NAA11: variants seen among roughly 807,000 people sequenced by gnomAD.
NAA11 encodes the protein N-alpha-acetyltransferase 11.
A neutral mutation model predicts 16.1 loss-of-function variants in NAA11; 15 were observed. The ratio of observed to expected loss-of-function variants is 0.93; its 90% CI spans 0.62 to 1.44. The LOEUF (loss-of-function observed/expected upper bound fraction) is 1.44, where lower values mean the gene tolerates loss of function less well. Ranked by LOEUF, NAA11 falls within the 40% of genes most tolerant of loss-of-function variation. The pLI is 0.00. For synonymous variants in NAA11, 122 were observed against 112.4 expected (o/e 1.09, Z -0.54); for missense variants, 298 against 291.3 (o/e 1.02, Z -0.17).
At chr4:79,248,668 G>T (rs1721903953) in intron 2 of NAA11, among the ~76,000 whole-genome samples, 1 of 152,082 alleles carries the variant, frequency 6.6e-6, no homozygotes, top group African/African-American at 2.4e-5. Flanking sequence ...TGCCACCATT[G>T]CCACCAGCAT....
downstream of NAA11, among the ~76,000 whole-genome samples, chr4:79,312,696 C>T (rs1400497930): frequency 2.0e-5 from 3 of 150,740 alleles, no homozygotes; most frequent in East Asian, 3.9e-4. Context: ...GCTTAGGCTG[C>T]CCAGGCTGAT....
chr4:79,189,685 C>T, the NAA11 span, among the ~76,000 whole-genome samples: 1 of 152,206 alleles, frequency 6.6e-6, no homozygotes, highest in Non-Finnish European at 1.5e-5. Context: ...CCTTTGTTGA[C>T]TTCCTCCATT....
At chr4:79,238,624 G>A (rs1023584853) in intron 2 of NAA11, among the ~76,000 whole-genome samples, 1 of 152,066 alleles carries the variant, frequency 6.6e-6, no homozygotes, top group Non-Finnish European at 1.5e-5. Flanking sequence ...TACAATCTCA[G>A]GGTAATAAAA....
the NAA11 span, among the ~76,000 whole-genome samples, chr4:79,219,076 C>T: frequency 6.6e-6 from 1 of 151,912 alleles, no homozygotes; most frequent in South Asian, 2.1e-4. Flanking sequence ...TGCCCTTTTA[C>T]TTTTTTAAGT....
chr4:79,277,697 C>A (rs1207161000), intron 2 of NAA11, among the ~76,000 whole-genome samples: 1 of 152,016 alleles, frequency 6.6e-6, no homozygotes, highest in Admixed American at 6.6e-5. Flanking sequence ...CCTGCTCTGC[C>A]CTGACTCCCG....
At chr4:79,271,519 T>A (rs1722492371) in intron 2 of NAA11, among the ~76,000 whole-genome samples, 1 of 152,060 alleles carries the variant, frequency 6.6e-6, no homozygotes, top group Non-Finnish European at 1.5e-5. Flanking sequence ...TGCGATTTCT[T>A]GATAGTTTAA....
chr4:79,303,493 T>C (rs899217211), intron 1 of NAA11, among the ~76,000 whole-genome samples: 3 of 151,978 alleles, frequency 2.0e-5, no homozygotes, highest in African/African-American at 2.4e-5. Flanking sequence ...CAAGATAACA[T>C]AGTGGGAGAA....
chr4:79,175,083 C>T, the NAA11 span, among the ~76,000 whole-genome samples: 1 of 152,126 alleles, frequency 6.6e-6, no homozygotes, highest in South Asian at 2.1e-4. Flanking sequence ...CAGTTTGCTG[C>T]TCATTTCTGA....
At chr4:79,209,781 C>T in the NAA11 span, among the ~76,000 whole-genome samples, 6 of 151,914 alleles carry the variant, frequency 3.9e-5, no homozygotes, top group East Asian at 1.9e-4. Flanking sequence ...CGTCGTGGCT[C>T]GCATGTATAA....
intron 1 of NAA11, among the ~76,000 whole-genome samples, chr4:79,303,167 C>T (rs549814493): frequency 7.3e-6 from 1 of 137,346 alleles, no homozygotes; most frequent in Non-Finnish European, 1.5e-5. Context: ...AAAAGCAGTC[C>T]TAACTGGGAA....
At chr4:79,279,057 T>A (rs1458011468) in intron 2 of NAA11, among the ~76,000 whole-genome samples, 1 of 151,878 alleles carries the variant, frequency 6.6e-6, no homozygotes, top group African/African-American at 2.4e-5. Context: ...CCTAAACACC[T>A]CCCAAAAGAC....
intron 1 of NAA11, among the ~76,000 whole-genome samples, chr4:79,300,745 G>T (rs1181080344): frequency 1.3e-5 from 2 of 152,114 alleles, no homozygotes; most frequent in Non-Finnish European, 2.9e-5. Context: ...TAATGCATTG[G>T]GATCCTCTAA....
intron 2 of NAA11, among the ~76,000 whole-genome samples, chr4:79,240,701 A>G (rs12648205): frequency 0.71 from 108,097 of 151,954 alleles, 40,615 homozygotes; most frequent in East Asian, 0.89. Context: ...AAACATATCA[A>G]AAGAAAAAGA....
chr4:79,309,218 AGAT>A (rs1444805593), intron 1 of NAA11, among the ~76,000 whole-genome samples: 1 of 152,214 alleles, frequency 6.6e-6, no homozygotes, highest in African/African-American at 2.4e-5. Context: ...ATGCTGGTCA[AGAT>A]GATTTCTTGG....
the NAA11 span, among the ~76,000 whole-genome samples, chr4:79,208,925 C>CAAAAAAAAAAAAAAAAAAAAAAAAAA: frequency 1.9e-5 from 1 of 53,984 alleles, no homozygotes; most frequent in Non-Finnish European, 3.6e-5. Flanking sequence ...ATATAACTGC[C>CAAAAAAAAAAAAAAAAAAAAAAAAAA]AAAAAAAAAA....
intron 2 of NAA11, among the ~76,000 whole-genome samples, chr4:79,260,191 T>C (rs1722216424): frequency 6.6e-6 from 1 of 152,250 alleles, no homozygotes; most frequent in South Asian, 2.1e-4. Context: ...CTTTCTCCTC[T>C]GCAGATGCCA....
chr4:79,257,969 A>G (rs1343006067), intron 2 of NAA11, among the ~76,000 whole-genome samples: 1 of 152,246 alleles, frequency 6.6e-6, no homozygotes, highest in Non-Finnish European at 1.5e-5. Context: ...GCAAATTAAC[A>G]TATGTGGGGT....
At chr4:79,236,242 TA>T (rs1247884753) in intron 2 of NAA11, among the ~76,000 whole-genome samples, 1 of 152,132 alleles carries the variant, frequency 6.6e-6, no homozygotes, top group African/African-American at 2.4e-5. Flanking sequence ...TTTTTCAGCT[TA>T]AAAATAAGTT....
At chr4:79,253,699 A>G (rs1156522609) in intron 2 of NAA11, among the ~76,000 whole-genome samples, 1 of 152,238 alleles carries the variant, frequency 6.6e-6, no homozygotes, top group Non-Finnish European at 1.5e-5. Flanking sequence ...AATGTTTTTA[A>G]AAATAGGGAT....
Sources: allele counts gnomAD v4.1 joint callset (sites outside exome capture counted in the v4.1 genomes callset), GRCh38; gene constraint gnomAD v4.1.1; transcripts MANE v1.5; gene names NCBI Gene and HGNC (gene_info 2026-07-23, HGNC 2026-07-21).